NRCAM: variants seen among roughly 807,000 people sequenced by gnomAD.
The protein encoded by NRCAM is neuronal cell adhesion molecule, also known as NgCAM-related cell adhesion molecule.
In NRCAM, 83 loss-of-function variants were observed where a neutral mutation model predicts 156.5. That is an observed-to-expected ratio of 0.53 (90% confidence interval 0.44 to 0.64). NRCAM has a LOEUF of 0.64. NRCAM is among the 30% of genes least tolerant of loss of function. NRCAM has a pLI of 0.00. For synonymous variants in NRCAM, 538 were observed against 563.9 expected (o/e 0.95, Z 0.65); for missense variants, 1,417 against 1,597.3 (o/e 0.89, Z 1.92).
chr7:108,250,518 T>G (rs553691746), intron 3 of NRCAM, among the ~76,000 whole-genome samples: 2 of 151,674 alleles, frequency 1.3e-5, no homozygotes, highest in Admixed American at 1.3e-4. Context: ...ACATCACATG[T>G]TCTCACTTAT....
At chr7:108,422,227 C>T (rs17155713) in intron 1 of NRCAM, among the ~76,000 whole-genome samples, 4,305 of 152,260 alleles carry the variant, frequency 0.028, 92 homozygotes, top group African/African-American at 0.064. Context: ...TCCAACATGA[C>T]TTAATGTTCT....
At chr7:108,309,814 G>A (rs1291855836) in intron 3 of NRCAM, among the ~76,000 whole-genome samples, 3 of 152,084 alleles carry the variant, frequency 2.0e-5, no homozygotes, top group South Asian at 4.1e-4. Flanking sequence ...CAGAGATCGC[G>A]CCATTGCACT....
intron 1 of NRCAM, among the ~76,000 whole-genome samples, chr7:108,405,955 ATT>A (rs10643404): frequency 1.2e-4 from 15 of 128,164 alleles, no homozygotes; most frequent in African/African-American, 2.6e-4. Context: ...TGCCTCTACA[ATT>A]TTTTTTTTTT....
chr7:108,300,090 A>G (rs1344652075), intron 3 of NRCAM, among the ~76,000 whole-genome samples: 1 of 151,616 alleles, frequency 6.6e-6, no homozygotes, highest in Non-Finnish European at 1.5e-5. Flanking sequence ...TATCACTAGG[A>G]ATATCTAAGC....
chr7:108,233,514 C>T (rs982582084), intron 6 of NRCAM, among the ~76,000 whole-genome samples: 2 of 152,174 alleles, frequency 1.3e-5, no homozygotes, highest in African/African-American at 4.8e-5. Flanking sequence ...AGGATAAATC[C>T]TGTTTTATGG....
intron 11 of NRCAM, among the ~76,000 whole-genome samples, chr7:108,213,718 T>C (rs2086093964): frequency 1.3e-5 from 2 of 152,152 alleles, no homozygotes; most frequent in Non-Finnish European, 1.5e-5. Flanking sequence ...CAGGAAAATA[T>C]CACAATCCTA....
intron 3 of NRCAM, among the ~76,000 whole-genome samples, chr7:108,293,921 A>T (rs1014847157): frequency 6.6e-6 from 1 of 152,042 alleles, no homozygotes; most frequent in Admixed American, 6.6e-5. Context: ...TAATTCACCT[A>T]TTGTCTTTTA....
chr7:108,182,529 C>T (rs931928917), intron 23 of NRCAM, among the ~76,000 whole-genome samples, 166 bp downstream of exon 23: 3 of 152,216 alleles, frequency 2.0e-5, no homozygotes, highest in African/African-American at 7.2e-5. Flanking sequence ...TCACCTTGAA[C>T]GTTCTGAACT....
At chr7:108,195,681 A>T (rs2074644240) in intron 15 of NRCAM, 80 bp downstream of exon 15, 2 of 814,452 alleles carry the variant, frequency 2.5e-6, no homozygotes, top group Non-Finnish European at 4.2e-6. Flanking sequence ...TTGTTTTTTG[A>T]ATAAAACCCA....
At chr7:108,377,272 A>G (rs2099680159) in intron 2 of NRCAM, among the ~76,000 whole-genome samples, 1 of 152,174 alleles carries the variant, frequency 6.6e-6, no homozygotes, top group African/African-American at 2.4e-5. Flanking sequence ...CACACACAAA[A>G]ACTCACTTAG....
At chr7:108,213,186 A>G (rs2085677876) in intron 11 of NRCAM, among the ~76,000 whole-genome samples, 1 of 152,180 alleles carries the variant, frequency 6.6e-6, no homozygotes, top group Non-Finnish European at 1.5e-5. Flanking sequence ...TTTTCAGACA[A>G]ACAAATGCTG....
intron 30 of NRCAM, among the ~76,000 whole-genome samples, chr7:108,166,248 C>CTTT (rs1034778488): frequency 1.5e-5 from 2 of 130,072 alleles, no homozygotes; most frequent in African/African-American, 3.0e-5. Context: ...TCTTTCTTTT[C>CTTT]TTTTTTTTTT....
chr7:108,317,958 G>A (rs576474247), intron 2 of NRCAM, among the ~76,000 whole-genome samples: 1 of 149,468 alleles, frequency 6.7e-6, no homozygotes, highest in South Asian at 2.1e-4. Context: ...AAAAGGAAAA[G>A]GAAAGGGGGA....
At chr7:108,367,180 G>A (rs2099596851) in intron 2 of NRCAM, among the ~76,000 whole-genome samples, 2 of 152,156 alleles carry the variant, frequency 1.3e-5, no homozygotes. Flanking sequence ...TACCTACAAA[G>A]AAAGGTACCT....
At chr7:108,277,417 G>A (rs2097678759) in intron 3 of NRCAM, among the ~76,000 whole-genome samples, 1 of 152,016 alleles carries the variant, frequency 6.6e-6, no homozygotes, top group Non-Finnish European at 1.5e-5. Context: ...CATATTTCTT[G>A]GAGGCTTTGT....
intron 2 of NRCAM, among the ~76,000 whole-genome samples, chr7:108,372,687 CAAAT>C (rs1249418205): frequency 1.3e-5 from 2 of 151,990 alleles, no homozygotes; most frequent in Non-Finnish European, 2.9e-5. Flanking sequence ...CCATTACAAA[CAAAT>C]AAACAAAAGA....
intron 7 of NRCAM, among the ~76,000 whole-genome samples, chr7:108,231,805 G>A (rs1029398059): frequency 6.6e-6 from 1 of 151,998 alleles, no homozygotes; most frequent in Non-Finnish European, 1.5e-5. Context: ...TAAATGACCA[G>A]AACTGAAAAA....
chr7:108,315,974 C>T (rs1424437757), intron 2 of NRCAM, among the ~76,000 whole-genome samples: 2 of 152,186 alleles, frequency 1.3e-5, no homozygotes, highest in Non-Finnish European at 2.9e-5. Flanking sequence ...TTACTGTCAG[C>T]ATGCTGGAAA....
chr7:108,425,993 A>C (rs946632361), intron 1 of NRCAM, among the ~76,000 whole-genome samples: 4 of 152,204 alleles, frequency 2.6e-5, no homozygotes, highest in Admixed American at 1.3e-4. Flanking sequence ...ATGAGAAAGG[A>C]ATTTTTTTAA....
Sources: gnomAD v4.1 joint callset for allele counts (sites outside exome capture counted in the v4.1 genomes callset) on GRCh38, gnomAD v4.1.1 for gene constraint, MANE v1.5 for transcripts, NCBI Gene and HGNC (gene_info 2026-07-23, HGNC 2026-07-21) for gene names.